The following GDPD5 variants were observed in gnomAD, a reference collection of about 807,000 sequenced individuals.
GDPD5 encodes glycerophosphodiester phosphodiesterase 2.
A neutral mutation model predicts 75.1 loss-of-function variants in GDPD5; 48 were observed. That is an observed-to-expected ratio of 0.64 (90% CI 0.51 to 0.81). The LOEUF is 0.81. GDPD5 is among the 40% of genes least tolerant of loss of function. The probability of loss-of-function intolerance (pLI) is 0.00; values close to 1 mark genes in which losing one functional copy is unlikely to be tolerated. For synonymous variants in GDPD5, 336 were observed against 339.0 expected, an observed-to-expected ratio of 0.99 and a Z score of 0.10; for missense variants, 706 against 822.6, an observed-to-expected ratio of 0.86 and a Z score of 1.73.
intron 1 of GDPD5, among the ~76,000 whole-genome samples, chr11:75,500,291 C>A (rs1592143410): frequency 1.3e-5 from 2 of 152,162 alleles, no homozygotes; most frequent in Admixed American, 1.3e-4. Context: ...CCTTTCTCTC[C>A]TCCCTTCTCA....
At chr11:75,516,147 C>T (rs1950634794) in intron 1 of GDPD5, 1 of 152,406 alleles carries the variant, frequency 6.6e-6, no homozygotes, top group African/African-American at 2.4e-5. Flanking sequence ...GTACACCCAA[C>T]AGGAAGCATA....
chr11:75,442,882 T>C, intron 11 of GDPD5: 1 of 604,786 alleles, frequency 1.7e-6, no homozygotes, highest in Admixed American at 2.9e-5. Context: ...TTTTACAGAG[T>C]TAAGAATTCT....
At chr11:75,524,458 T>C (rs1415513382) in intron 1 of GDPD5, among the ~76,000 whole-genome samples, 1 of 152,210 alleles carries the variant, frequency 6.6e-6, no homozygotes. Context: ...TCACTGGCTT[T>C]AGGATCGGAC....
Position 75,439,956 on chromosome 11 carries a change from C to A in GDPD5, c.1479G>T (p.Pro493=), listed in dbSNP as rs369403585. The A allele has an allele frequency of 1.2e-6, 2 of 1,613,222 alleles. No individual in the cohort carries two copies. Among genetic ancestry groups the A allele is most frequent in the African/African-American group, 2.7e-5 (2 of 75,018 alleles). Residue 493 remains proline (P), a synonymous_variant, in exon 15 of 17, where the codon CCG becomes CCT. Transcript: ENST00000336898. The stretch of plus-strand genomic sequence containing the variant: ...TGACCCACATGAGACAGTACTCGTC[C>A]GGGGGCTGTGGACAGACGGCCCGAG... ...QVPSPLWIMP[P]DEYCLMWVTA...
intron 6 of GDPD5, chr11:75,452,902 G>C (rs1949200637): frequency 6.5e-6 from 1 of 152,864 alleles, no homozygotes. Flanking sequence ...TCCTGGGCTG[G>C]GGGCTGCTGC....
chr11:75,487,751 A>G (rs1950043933), intron 2 of GDPD5, among the ~76,000 whole-genome samples: 1 of 152,178 alleles, frequency 6.6e-6, no homozygotes, highest in Non-Finnish European at 1.5e-5. Context: ...TTGGTACAGA[A>G]AGGACTTCTC....
intron 6 of GDPD5, chr11:75,451,820 G>T (rs958709155): frequency 6.6e-6 from 1 of 152,196 alleles, no homozygotes; most frequent in Non-Finnish European, 1.5e-5. Flanking sequence ...CAGTTGCTTT[G>T]GTGCTAATCA....
At position 75,439,904 on chromosome 11, in the gene GDPD5, T is replaced by C. The variant is rs764786098; in HGVS notation, c.1531A>G (p.Ile511Val). ...TTCTGGAGCACGAAGATGCCCACGA[T>C]GAGGGTGAAGGAGACCAGGTCGGCA... ...VTADLVSFTLIVGIFVLQKWR... is the reference protein window; with the variant it reads ...VTADLVSFTLVVGIFVLQKWR... The change falls in exon 15 of 17, where the codon ATC (isoleucine) becomes GTC (valine). Residue 511 changes from isoleucine (I) to valine (V), a missense_variant. Physicochemically the swap from Ile to Val is conservative, Grantham distance 29 (BLOSUM62 3). Transcript: ENST00000336898. The C allele has an allele frequency of 2.2e-5, 36 of 1,613,544 alleles. No homozygotes were observed. The highest frequency in any genetic ancestry group is 3.1e-5 in the Non-Finnish European group (36 of 1,179,828).
chr11:75,442,573 G>A lies in GDPD5; in HGVS notation c.957C>T (p.Pro319=). 6.2e-7 allele frequency: 1 copy of A among 1,614,092 alleles called. No homozygotes were observed. The highest frequency in any genetic ancestry group is 8.5e-7 in the Non-Finnish European group (1 of 1,180,006). ...GTGACAGGGAGCTGGCTGTCCAGAA[G>A]GGGTCAGTCTGGCAGGGACAGGGAC... The part of the protein sequence containing the change: ...NAGQWFLKTD[P]FWTASSLSPS... Residue 319 remains proline, a synonymous_variant, in exon 12 of 17, where the codon CCC becomes CCT. Transcript: ENST00000336898.
Position 75,442,539 on chromosome 11 carries a change from G to A in GDPD5, c.991C>T (p.His331Tyr). ...WTASSLSPSD[H>Y]REAQNQSICS... ...ATGGACTGGTTCTGGGCCTCTCTGT[G>A]GTCGGAGGGTGACAGGGAGCTGGCT... The change falls in exon 12 of 17, where the codon CAC becomes TAC. Residue 331 changes from histidine to tyrosine, a missense_variant. Transcript: ENST00000336898. 1 of 1,614,206 alleles carries A rather than the reference G, an allele frequency of 6.2e-7. No individual in the cohort carries two copies. Among genetic ancestry groups the A allele is most frequent in the Non-Finnish European group, 8.5e-7 (1 of 1,180,044 alleles).
At chr11:75,481,607 A>G (rs75644898) in intron 2 of GDPD5, among the ~76,000 whole-genome samples, 135 of 152,080 alleles carry the variant, frequency 8.9e-4, no homozygotes, top group African/African-American at 3.2e-3. Flanking sequence ...TCTCAGCTTT[A>G]CTATACTCCA....
chr11:75,442,767 T>G (rs895563974), intron 11 of GDPD5, 186 bp from the exon 12 acceptor site: 4 of 618,038 alleles, frequency 6.5e-6, no homozygotes, highest in Non-Finnish European at 1.1e-5. Context: ...CCCCACACCC[T>G]GCTTACCAAG....
chr11:75,459,895 A>G (rs189401127), intron 4 of GDPD5, among the ~76,000 whole-genome samples: 5 of 152,018 alleles, frequency 3.3e-5, no homozygotes, highest in African/African-American at 7.2e-5. Flanking sequence ...CAACTTGTTC[A>G]AGGTCATCAG....
intron 4 of GDPD5, 46 bp downstream of exon 4, chr11:75,462,740 A>G (rs1309444100): frequency 2.1e-6 from 3 of 1,449,854 alleles, no homozygotes; most frequent in East Asian, 2.3e-5. Context: ...GCTACTGGAT[A>G]CCCAGCTCTG....
At chr11:75,445,435 G>A (rs1393201910) in intron 9 of GDPD5, among the ~76,000 whole-genome samples, 1 of 152,172 alleles carries the variant, frequency 6.6e-6, no homozygotes, top group Non-Finnish European at 1.5e-5. Flanking sequence ...TTTATGCTTA[G>A]GACAGTTGGG....
intron 1 of GDPD5, among the ~76,000 whole-genome samples, chr11:75,523,075 T>C (rs1234673428): frequency 1.3e-5 from 2 of 152,238 alleles, no homozygotes; most frequent in Non-Finnish European, 2.9e-5. Flanking sequence ...CCAGACTTCC[T>C]GGTCAAACTT....
At chr11:75,464,605 C>A (rs1169704330) in intron 3 of GDPD5, among the ~76,000 whole-genome samples, 2 of 152,212 alleles carry the variant, frequency 1.3e-5, no homozygotes, top group African/African-American at 2.4e-5. Context: ...CAGAGCCCGA[C>A]TGCCTTGCTT....
chr11:75,464,349 A>C (rs533905314), intron 3 of GDPD5, among the ~76,000 whole-genome samples: 1 of 152,326 alleles, frequency 6.6e-6, no homozygotes, highest in East Asian at 1.9e-4. Flanking sequence ...GAGATAATAC[A>C]AGTCAGGTGG....
chr11:75,497,662 T>C (rs537025186), intron 1 of GDPD5, among the ~76,000 whole-genome samples: 73 of 152,298 alleles, frequency 4.8e-4, no homozygotes, highest in Non-Finnish European at 9.0e-4. Flanking sequence ...AGGTACTCAA[T>C]ACATGGGTAT....
Sources: gnomAD v4.1 joint callset for allele counts (sites outside exome capture counted in the v4.1 genomes callset) on GRCh38, gnomAD v4.1.1 for gene constraint, MANE v1.5 for transcripts, NCBI Gene and HGNC (gene_info 2026-07-23, HGNC 2026-07-21) for gene names.